Variants in SPATA16 observed in about 807,000 individuals in gnomAD.
The protein encoded by SPATA16 is spermatogenesis associated 16.
SPATA16 carries 36 observed loss-of-function variants against 63.3 expected under a neutral mutation model. The ratio of observed to expected loss-of-function variants is 0.57; its 90% CI spans 0.44 to 0.75. The LOEUF is 0.75. SPATA16 is among the 30% of genes least tolerant of loss of function. The pLI is 0.00. For synonymous variants in SPATA16, 203 were observed against 216.7 expected (o/e 0.94, Z 0.56); for missense variants, 646 against 679.3 (o/e 0.95, Z 0.54).
intron 4 of SPATA16, among the ~76,000 whole-genome samples, chr3:172,981,177 C>T (rs1482429445): frequency 6.6e-6 from 1 of 152,144 alleles, no homozygotes; most frequent in Non-Finnish European, 1.5e-5. Context: ...TGTTTTCATC[C>T]TCCCTTGCAG....
In SPATA16 at chr3:172,946,991, G is replaced by A. The variant is rs374201913; in HGVS notation, c.1081+9686C>T. 3.4e-4 allele frequency among the ~76,000 whole-genome samples: 44 copies of A among 129,502 alleles called. 1 individual carries two copies. In the South Asian group the frequency reaches 5.6e-3, roughly 17 times the overall value. 85.0% of individuals were successfully genotyped at this position (129,502 alleles called of 152,430 possible). A position where few individuals can be genotyped will look rare whatever the true frequency, so the allele number is the denominator to read the frequency against. On this transcript the variant is annotated intron_variant, in intron 6 of 10. Transcript: ENST00000351008. Reference sequence around the variant, plus strand: ...CTCCTGAAGCTTCAGGCAGCTCAGCGCAGAGAGAGAGACTCCACTTGTTAG... The same window carrying A: ...CTCCTGAAGCTTCAGGCAGCTCAGCACAGAGAGAGAGACTCCACTTGTTAG...
At chr3:173,001,633 A>C (rs1017622560) in intron 4 of SPATA16, among the ~76,000 whole-genome samples, 3 of 152,126 alleles carry the variant, frequency 2.0e-5, no homozygotes, top group African/African-American at 7.2e-5. Context: ...CATCAGTTAC[A>C]TTTCAGGTTT....
chr3:173,014,454 C>T (rs1322706443), intron 4 of SPATA16, among the ~76,000 whole-genome samples: 1 of 152,052 alleles, frequency 6.6e-6, no homozygotes, highest in African/African-American at 2.4e-5. Context: ...GAGGGAGGGG[C>T]GTAAGGGTGG....
intron 4 of SPATA16, among the ~76,000 whole-genome samples, chr3:172,977,282 C>T (rs1436361421): frequency 6.6e-6 from 1 of 152,018 alleles, no homozygotes; most frequent in African/African-American, 2.4e-5. Flanking sequence ...AGCTATTTGT[C>T]TTCTAGGTGC....
intron 6 of SPATA16, among the ~76,000 whole-genome samples, chr3:172,949,454 T>C (rs1733375312): frequency 2.0e-5 from 3 of 152,194 alleles, no homozygotes; most frequent in Admixed American, 6.5e-5. Context: ...CTGTGCAACA[T>C]TGACTTCAAA....
chr3:173,070,227 T>C (rs904230233), intron 2 of SPATA16, among the ~76,000 whole-genome samples: 2 of 151,918 alleles, frequency 1.3e-5, no homozygotes, highest in Non-Finnish European at 2.9e-5. Context: ...AAACCCCATC[T>C]CTACTAAAAA....
rs66547523 is a variant in SPATA16 at position 173,010,435 on chromosome 3, CGTGTGTGTGT to C, written c.848+9041_848+9050del. The stretch of plus-strand genomic sequence containing the variant: ...GCCTGACCACTCTGGCACGTTGTGG[CGTGTGTGTGT>C]GTGTGTGTGTGTGTGTGTGTGTGTG... On this transcript the variant is annotated intron_variant, in intron 4 of 10. Coordinates refer to ENST00000351008, the MANE Select transcript of SPATA16 (RefSeq NM_031955.6). 4.5e-3 allele frequency among the ~76,000 whole-genome samples: 633 copies of C among 141,404 alleles called. 7 individuals carry two copies. The highest frequency in any genetic ancestry group is 0.01 in the African/African-American group (379 of 37,628). The allele number at this position is 141,404 out of a possible 152,430, so 92.8% of individuals were successfully genotyped here.
chr3:172,976,861 A>G (rs1734171547), intron 5 of SPATA16, 107 bp downstream of exon 5: 1 of 854,022 alleles, frequency 1.2e-6, no homozygotes, highest in South Asian at 1.4e-5. Context: ...TTTCTGATTG[A>G]TATGCCCAGA....
intron 2 of SPATA16, among the ~76,000 whole-genome samples, chr3:173,087,100 G>T (rs2108316705): frequency 6.6e-6 from 1 of 151,966 alleles, no homozygotes; most frequent in African/African-American, 2.4e-5. Context: ...TTTCTGTCTT[G>T]ATGATCTAAT....
intron 6 of SPATA16, among the ~76,000 whole-genome samples, chr3:172,933,689 C>T (rs1324881388): frequency 6.6e-6 from 1 of 152,204 alleles, no homozygotes; most frequent in Non-Finnish European, 1.5e-5. Context: ...GCAGTCCCAC[C>T]TGTGGATCTT....
At chr3:173,128,745 G>A (rs1337508546) in intron 1 of SPATA16, among the ~76,000 whole-genome samples, 1 of 152,212 alleles carries the variant, frequency 6.6e-6, no homozygotes, top group South Asian at 2.1e-4. Context: ...TTACTTTCAT[G>A]CTTCTTTTGA....
At chr3:172,942,482 A>G (rs1024082506) in intron 6 of SPATA16, among the ~76,000 whole-genome samples, 1 of 151,896 alleles carries the variant, frequency 6.6e-6, no homozygotes. Flanking sequence ...GAGTGTAATT[A>G]CATAACAATA....
intron 5 of SPATA16, among the ~76,000 whole-genome samples, chr3:172,964,125 A>G (rs1053201264): frequency 3.9e-5 from 6 of 152,144 alleles, no homozygotes; most frequent in African/African-American, 1.4e-4. Context: ...ACTCACACCT[A>G]CTGGCCACAA....
At chr3:172,901,930 G>A (rs187895032) in intron 10 of SPATA16, among the ~76,000 whole-genome samples, 32 of 152,296 alleles carry the variant, frequency 2.1e-4, no homozygotes, top group Admixed American at 3.9e-4. Context: ...TACCAGCAAG[G>A]ATGGGGAAGG....
chr3:173,083,477 A>G (rs563560375), intron 2 of SPATA16, among the ~76,000 whole-genome samples: 2 of 152,278 alleles, frequency 1.3e-5, no homozygotes, highest in South Asian at 4.1e-4. Context: ...TAGACCATAT[A>G]CTTAACTTTA....
At chr3:172,995,209 A>T (rs975755743) in intron 4 of SPATA16, among the ~76,000 whole-genome samples, 1 of 152,034 alleles carries the variant, frequency 6.6e-6, no homozygotes. Flanking sequence ...GGGAAAGAAA[A>T]ATCAGGGGGA....
chr3:173,016,120 C>T (rs1288201806), intron 4 of SPATA16, among the ~76,000 whole-genome samples: 1 of 152,170 alleles, frequency 6.6e-6, no homozygotes, highest in Non-Finnish European at 1.5e-5. Flanking sequence ...CCAGTGCCAG[C>T]CATCTCCGCA....
chr3:172,935,301 A>T (rs772625959), intron 6 of SPATA16, among the ~76,000 whole-genome samples: 3 of 152,210 alleles, frequency 2.0e-5, no homozygotes, highest in African/African-American at 7.2e-5. Flanking sequence ...GCGAATAGCC[A>T]CTCAAAAATA....
intron 1 of SPATA16, among the ~76,000 whole-genome samples, chr3:173,126,376 T>G (rs2108344430): frequency 6.6e-6 from 1 of 152,350 alleles, no homozygotes; most frequent in African/African-American, 2.4e-5. Context: ...TTCAGCGTAC[T>G]TTAGAGACCT....
Sources: allele counts gnomAD v4.1 joint callset (sites outside exome capture counted in the v4.1 genomes callset), GRCh38; gene constraint gnomAD v4.1.1; transcripts MANE v1.5; gene names NCBI Gene and HGNC (gene_info 2026-07-23, HGNC 2026-07-21).